Variants in SCAF8 observed in about 807,000 individuals in gnomAD.
SCAF8 encodes the protein SR-related and CTD-associated factor 8.
In SCAF8, 23 loss-of-function variants were observed where a neutral mutation model predicts 140.5. That is an observed-to-expected ratio of 0.16 (90% confidence interval 0.12 to 0.23). The LOEUF is 0.23. Ranked by LOEUF, SCAF8 falls within the 10% of genes least tolerant of loss-of-function variation. The pLI, the probability that SCAF8 is intolerant of heterozygous loss-of-function variation, is 1.00. For synonymous variants in SCAF8, 575 were observed against 528.9 expected, an observed-to-expected ratio of 1.09 and a Z score of -1.20; for missense variants, 1,397 against 1,555.7, an observed-to-expected ratio of 0.90 and a Z score of 1.72.
At position 154,833,092 on chromosome 6, in the gene SCAF8, A is replaced by AAT; in HGVS notation, c.3513_3514insAT (p.Glu1172MetfsTer3). 1 of 1,614,184 alleles carries AAT rather than the reference A, an allele frequency of 6.2e-7. No homozygotes were observed. Among genetic ancestry groups the AAT allele is most frequent in the Non-Finnish European group, 8.5e-7 (1 of 1,180,012 alleles). ...ATGACAGAGATTTTGATTTCTGCAG[A>AAT]GAAATGAATGGAAATCGTCTTGGAC... On this transcript the variant is annotated frameshift_variant, in exon 20 of 20. Transcript: ENST00000367178. LOFTEE classifies it high-confidence loss of function.
chr6:154,794,794 T>G (rs1179386806), intron 5 of SCAF8, among the ~76,000 whole-genome samples: 5 of 57,994 alleles, frequency 8.6e-5, no homozygotes, highest in East Asian at 2.1e-3. Flanking sequence ...TGTGTGTGTG[T>G]GTGTGTGTGT....
At chr6:154,829,888 C>T (rs1778682296) in intron 18 of SCAF8, among the ~76,000 whole-genome samples, 1 of 152,076 alleles carries the variant, frequency 6.6e-6, no homozygotes, top group African/African-American at 2.4e-5. Flanking sequence ...GCCTGGCAAC[C>T]GAGCGAGAGA....
At chr6:154,829,308 T>TAAA (rs568240503) in intron 18 of SCAF8, among the ~76,000 whole-genome samples, 131 of 152,192 alleles carry the variant, frequency 8.6e-4, no homozygotes, top group Non-Finnish European at 1.5e-3. Flanking sequence ...TTTTCTTTAC[T>TAAA]AGAATAGACA....
chr6:154,736,431 C>T (rs903565377), intron 1 of SCAF8, among the ~76,000 whole-genome samples: 2 of 151,910 alleles, frequency 1.3e-5, no homozygotes, highest in African/African-American at 4.8e-5. Context: ...CCGCCATGCC[C>T]AGCTAGTTTT....
At chr6:154,782,760 C>T (rs530992660) in intron 3 of SCAF8, among the ~76,000 whole-genome samples, 1 of 152,092 alleles carries the variant, frequency 6.6e-6, no homozygotes, top group East Asian at 1.9e-4. Flanking sequence ...GGGCAGGAAG[C>T]GTCCAGCACA....
chr6:154,806,790 A>C (rs546046003), intron 9 of SCAF8, among the ~76,000 whole-genome samples: 1 of 151,512 alleles, frequency 6.6e-6, no homozygotes, highest in Non-Finnish European at 1.5e-5. Context: ...ATTCTGATAT[A>C]AGTGGCCAGA....
chr6:154,745,914 C>G (rs1016522372), intron 1 of SCAF8, among the ~76,000 whole-genome samples: 2 of 152,106 alleles, frequency 1.3e-5, no homozygotes, highest in African/African-American at 4.8e-5. Flanking sequence ...GAGTCTCACT[C>G]TGTCACTGTC....
chr6:154,810,300 A>G, intron 12 of SCAF8, 92 bp downstream of exon 12: 1 of 923,592 alleles, frequency 1.1e-6, no homozygotes, highest in Admixed American at 3.2e-5. Context: ...TTTTATTTTC[A>G]GATTAAGGTT....
chr6:154,755,879 G>C (rs1460168132), intron 1 of SCAF8, among the ~76,000 whole-genome samples: 2 of 152,144 alleles, frequency 1.3e-5, no homozygotes, highest in Non-Finnish European at 2.9e-5. Flanking sequence ...CATTTCCATT[G>C]GGAAATAGCC....
chr6:154,780,822 G>T (rs1445417109), intron 3 of SCAF8, among the ~76,000 whole-genome samples: 1 of 152,044 alleles, frequency 6.6e-6, no homozygotes, highest in African/African-American at 2.4e-5. Context: ...GAATAGTGCT[G>T]CAGTAAACAT....
At chr6:154,766,663 C>CG (rs1309307892) in intron 1 of SCAF8, among the ~76,000 whole-genome samples, 1 of 107,614 alleles carries the variant, frequency 9.3e-6, no homozygotes, top group Middle Eastern at 4.2e-3. Flanking sequence ...AGCAGCACCC[C>CG]CCCCCCTTTT....
intron 1 of SCAF8, among the ~76,000 whole-genome samples, chr6:154,739,436 A>T (rs1562420104): frequency 6.6e-6 from 1 of 152,226 alleles, no homozygotes; most frequent in Admixed American, 6.5e-5. Context: ...GGTCCTTTGT[A>T]TAGCTAGTGT....
At chr6:154,808,512 G>A (rs183946571) in intron 10 of SCAF8, among the ~76,000 whole-genome samples, 174 bp from the exon 11 acceptor site, 4 of 150,792 alleles carry the variant, frequency 2.7e-5, no homozygotes, top group Admixed American at 6.6e-5. Flanking sequence ...TATATTTTAC[G>A]TGTGGCCAAA....
intron 18 of SCAF8, among the ~76,000 whole-genome samples, chr6:154,829,232 A>ATTT (rs565160950): frequency 3.5e-5 from 5 of 142,440 alleles, no homozygotes; most frequent in African/African-American, 5.2e-5. Context: ...TTCATAAGTG[A>ATTT]TTTTTTTTTT....
intron 17 of SCAF8, chr6:154,825,362 C>T (rs1322894192): frequency 2.0e-5 from 3 of 151,986 alleles, no homozygotes; most frequent in Non-Finnish European, 4.4e-5. Flanking sequence ...TTAAACACAA[C>T]TTACATATAT....
In SCAF8 at chr6:154,742,578, T is replaced by C. The variant is rs373802151; in HGVS notation, c.30+8648T>C. 1.4e-4 allele frequency among the ~76,000 whole-genome samples: 22 copies of C among 152,346 alleles called. No individual in the cohort carries two copies. In the East Asian group the frequency reaches 2.1e-3, roughly 15 times the overall value. Reference sequence around the variant, plus strand: ...GTCTCATATTTGATGGTAAACATGATGCATTTGCTTTTTCTGATTTTGATT... The same window carrying C: ...GTCTCATATTTGATGGTAAACATGACGCATTTGCTTTTTCTGATTTTGATT... On this transcript the variant is annotated intron_variant, in intron 1 of 19. Transcript: ENST00000367178.
intron 2 of SCAF8, among the ~76,000 whole-genome samples, chr6:154,777,188 A>AAG (rs1314540399): frequency 6.9e-6 from 1 of 144,388 alleles, no homozygotes; most frequent in East Asian, 2.1e-4. Context: ...CTCCAAGGGG[A>AAG]AAAAAAAAAA....
intron 1 of SCAF8, among the ~76,000 whole-genome samples, chr6:154,749,722 TGAA>T (rs1221760251): frequency 6.6e-6 from 1 of 152,108 alleles, no homozygotes; most frequent in Non-Finnish European, 1.5e-5. Context: ...GGTTTTCTGA[TGAA>T]GGGCCTTTAT....
chr6:154,808,919 A>G (rs1485658350), intron 11 of SCAF8, 121 bp downstream of exon 11: 1 of 647,030 alleles, frequency 1.5e-6, no homozygotes, highest in African/African-American at 1.8e-5. Flanking sequence ...AGTCTCTCGG[A>G]AAAAAAGTTA....
Sources: gnomAD v4.1 joint callset for allele counts (sites outside exome capture counted in the v4.1 genomes callset) on GRCh38, gnomAD v4.1.1 for gene constraint, MANE v1.5 for transcripts, NCBI Gene and HGNC (gene_info 2026-07-23, HGNC 2026-07-21) for gene names.